Variants in SESN2 observed in about 807,000 individuals in gnomAD.
SESN2 encodes the protein sestrin-2.
Under a neutral mutation model 56.0 loss-of-function variants are expected in SESN2, and 42 were observed. The ratio of observed to expected loss-of-function variants is 0.75; its 90% CI spans 0.59 to 0.97. The LOEUF is 0.97. Among genes scored for constraint, SESN2 ranks in the 50% least tolerant of loss-of-function variants. The pLI is 0.00. For missense variants in SESN2, 507 were observed against 649.4 expected (o/e 0.78, Z 2.38); for synonymous variants, 264 against 267.1 (o/e 0.99, Z 0.11).
At chr1:28,278,578 A>G (rs1648128352) in intron 8 of SESN2, among the ~76,000 whole-genome samples, 1 of 152,248 alleles carries the variant, frequency 6.6e-6, no homozygotes, top group South Asian at 2.1e-4. Flanking sequence ...AAAGAAAAAC[A>G]AAAACATACT....
chr1:28,279,996 C>G (rs946157782), intron 9 of SESN2, among the ~76,000 whole-genome samples: 2 of 151,980 alleles, frequency 1.3e-5, no homozygotes, highest in African/African-American at 4.8e-5. Flanking sequence ...GAGGTACACA[C>G]CACCTGATTT....
Position 28,272,710 on chromosome 1 carries a change from G to A in SESN2, c.667G>A (p.Asp223Asn). ...TGGCATCCTCCCTGAGGGGGATGCA[G>A]ATGGCAGCCCTGCCCCCCAGGCACC... ...GCGILPEGDA[D>N]GSPAPQAPTP... The change falls in exon 5 of 10, where the codon GAT becomes AAT. Residue 223 changes from aspartate (D) to asparagine (N), a missense_variant. Asp to Asn is a conservative substitution (Grantham distance 23, BLOSUM62 1). Coordinates refer to ENST00000253063, the MANE Select transcript of SESN2 (RefSeq NM_031459.5). 6.2e-7 allele frequency: 1 copy of A among 1,612,552 alleles called. No homozygotes were observed. Among genetic ancestry groups the A allele is most frequent in the East Asian group, 2.2e-5 (1 of 44,872 alleles).
chr1:28,259,707 C>A lies in SESN2; in HGVS notation c.-141C>A, dbSNP rs1647301633. The A allele has an allele frequency of 7.1e-6, 4 of 560,464 alleles. No individual in the cohort carries two copies. The highest frequency in any genetic ancestry group is 4.3e-5 in the Admixed American group (1 of 23,478). 34.7% of individuals were successfully genotyped at this position (560,464 alleles called of 1,614,324 possible). ...AAGCGGCCGTTCTCGGATTCCGGAG[C>A]GTTCTGGAGCCCCGAGAGACGCCCC... On this transcript the variant is annotated 5_prime_UTR_variant, in exon 1 of 10. Coordinates refer to ENST00000253063, the MANE Select transcript of SESN2 (RefSeq NM_031459.5).
chr1:28,270,803 A>G (rs1323141820), intron 2 of SESN2, among the ~76,000 whole-genome samples: 6 of 152,132 alleles, frequency 3.9e-5, no homozygotes, highest in Admixed American at 3.9e-4. Context: ...TCCGGACCTT[A>G]GGTGATCTGC....
Position 28,274,116 on chromosome 1 carries a change from C to A in SESN2, c.978C>A (p.Phe326Leu). 6.2e-7 allele frequency: 1 copy of A among 1,614,130 alleles called. No homozygotes were observed. The highest frequency in any genetic ancestry group is 8.5e-7 in the Non-Finnish European group (1 of 1,179,976). ...VEDPTFGYED[F>L]TRRGAQAPPT... ...ACCCTACTTTCGGATATGAGGACTT[C>A]ACTCGGAGAGGGGCTCAGGCACCCC... is the stretch of plus-strand genomic sequence containing the variant. Residue 326 changes from phenylalanine (F) to leucine (L), a missense_variant, in exon 7 of 10, where the codon TTC becomes TTA. Physicochemically the swap from Phe to Leu is conservative, Grantham distance 22. Coordinates refer to ENST00000253063, the MANE Select transcript of SESN2 (RefSeq NM_031459.5).
chr1:28,267,151 T>C (rs976716557), intron 1 of SESN2, among the ~76,000 whole-genome samples: 1 of 152,134 alleles, frequency 6.6e-6, no homozygotes, highest in African/African-American at 2.4e-5. Context: ...TACAGAGCTG[T>C]TGGGCTTTTT....
intron 6 of SESN2, 126 bp downstream of exon 6, chr1:28,273,634 C>T (rs1647881815): frequency 3.1e-6 from 3 of 953,816 alleles, no homozygotes; most frequent in South Asian, 1.9e-5. Context: ...AGGTTCTGAG[C>T]ATGGGCCTTG....
At chr1:28,261,622 G>T (rs1391201733) in intron 1 of SESN2, among the ~76,000 whole-genome samples, 1 of 152,176 alleles carries the variant, frequency 6.6e-6, no homozygotes, top group Non-Finnish European at 1.5e-5. Context: ...TCACAAGGGG[G>T]TGCCTGAGCC....
intron 8 of SESN2, among the ~76,000 whole-genome samples, 191 bp downstream of exon 8, chr1:28,275,206 TGC>T (rs1647988026): frequency 2.0e-5 from 3 of 152,162 alleles, no homozygotes; most frequent in Admixed American, 2.0e-4. Context: ...ACTCTTTAAT[TGC>T]ACTCCCAGAG....
chr1:28,259,978 C>G (rs914165129), intron 1 of SESN2, 41 bp downstream of exon 1: 17 of 1,417,452 alleles, frequency 1.2e-5, no homozygotes, highest in Non-Finnish European at 1.5e-5. Flanking sequence ...CCTGGAACCC[C>G]GAACCGCGTC....
At position 28,272,316 on chromosome 1, in the gene SESN2, A is replaced by G. The variant is rs1647808729; in HGVS notation, c.387A>G (p.Val129=). 6.2e-7 allele frequency: 1 copy of G among 1,613,944 alleles called. No individual in the cohort carries two copies. Among genetic ancestry groups the G allele is most frequent in the Non-Finnish European group, 8.5e-7 (1 of 1,180,018 alleles). The change falls in exon 4 of 10, where the codon GTA becomes GTG. Residue 129 remains valine, a synonymous_variant. Coordinates refer to ENST00000253063, the MANE Select transcript of SESN2 (RefSeq NM_031459.5). The stretch of plus-strand genomic sequence containing the variant: ...CCCGCCATCAGTGTTCTTACCTGGT[A>G]GGCTCCCACATGGCCGAGTTTCTGC... ...AAARHQCSYL[V]GSHMAEFLQT... is the part of the protein sequence containing the mutation.
At chr1:28,276,590 T>G (rs1321274521) in intron 8 of SESN2, among the ~76,000 whole-genome samples, 2 of 143,584 alleles carry the variant, frequency 1.4e-5, no homozygotes, top group Non-Finnish European at 3.1e-5. Flanking sequence ...TTTTTTTTTT[T>G]TTTTTTGAGA....
chr1:28,279,106 C>G lies in SESN2; in HGVS notation c.1221C>G (p.Asp407Glu). 6.2e-7 allele frequency: 1 copy of G among 1,614,158 alleles called. No individual in the cohort carries two copies. The highest frequency in any genetic ancestry group is 8.5e-7 in the Non-Finnish European group (1 of 1,180,020). ...IHCVFGIRYD[D>E]YDYGEVNQLL... is the part of the protein sequence containing the mutation. ...GGACCTTTCCATCCAGATATGATGA[C>G]TATGATTATGGGGAGGTGAACCAGC... is the stretch of plus-strand genomic sequence containing the variant. Residue 407 changes from aspartate to glutamate, a missense_variant, in exon 9 of 10, where the codon GAC becomes GAG. Physicochemically the swap from Asp to Glu is conservative, Grantham distance 45. Coordinates refer to ENST00000253063, the MANE Select transcript of SESN2 (RefSeq NM_031459.5).
At chr1:28,278,453 G>C (rs777852939) in intron 8 of SESN2, among the ~76,000 whole-genome samples, 2 of 152,200 alleles carry the variant, frequency 1.3e-5, no homozygotes, top group Non-Finnish European at 2.9e-5. Context: ...TGTAATCCCA[G>C]CTACTCAGGA....
Position 28,272,684 on chromosome 1 carries a change from G to A in SESN2, c.641G>A (p.Cys214Tyr), listed in dbSNP as rs1557733843. The change falls in exon 5 of 10, where the codon TGT (cysteine) becomes TAT (tyrosine). Residue 214 changes from cysteine (C) to tyrosine (Y), a missense_variant. By Grantham distance (194) the Cys-to-Tyr change is radical. Transcript: ENST00000253063. ...TCGCTCTCCTCCTTCGTGTTTGGCT[G>A]TGGCATCCTCCCTGAGGGGGATGCA... ...CHSLSSFVFG[C>Y]GILPEGDADG... 1 of 1,614,072 alleles carries A rather than the reference G, an allele frequency of 6.2e-7. No individual in the cohort carries two copies. The highest frequency in any genetic ancestry group is 8.5e-7 in the Non-Finnish European group (1 of 1,179,958).
At position 28,259,749 on chromosome 1, in the gene SESN2, C is replaced by T. The variant is rs768313422; in HGVS notation, c.-99C>T. On this transcript the variant is annotated 5_prime_UTR_variant, in exon 1 of 10. Transcript: ENST00000253063. ...AGACGCCCCGGGGTTCTAGAAGCTCCCCGGCGGCGCCCAGTCCCGGCTTCA... is the reference window on the plus strand; with the variant it reads ...AGACGCCCCGGGGTTCTAGAAGCTCTCCGGCGGCGCCCAGTCCCGGCTTCA... The T allele has an allele frequency of 2.0e-5, 19 of 928,762 alleles. No homozygotes were observed. The highest frequency in any genetic ancestry group is 2.7e-5 in the Non-Finnish European group (18 of 672,008). 57.5% of individuals were successfully genotyped at this position (928,762 alleles called of 1,614,324 possible).
At chr1:28,274,240 T>A in intron 7 of SESN2, 82 bp downstream of exon 7, 1 of 932,298 alleles carries the variant, frequency 1.1e-6, no homozygotes, top group African/African-American at 1.6e-5. Context: ...AGTTACAGAG[T>A]TAGGTACCCA....
intron 8 of SESN2, among the ~76,000 whole-genome samples, chr1:28,275,223 T>G (rs962811125): frequency 6.6e-6 from 1 of 152,106 alleles, no homozygotes; most frequent in Non-Finnish European, 1.5e-5. Context: ...CCAGAGATAA[T>G]TATTGTTTGA....
chr1:28,264,489 C>A (rs181792205), intron 1 of SESN2, among the ~76,000 whole-genome samples: 131 of 152,192 alleles, frequency 8.6e-4, no homozygotes, highest in African/African-American at 3.0e-3. Context: ...TATAAAAATA[C>A]CCAACACTGG....
Sources: gnomAD v4.1 joint callset for allele counts (sites outside exome capture counted in the v4.1 genomes callset) on GRCh38, gnomAD v4.1.1 for gene constraint, MANE v1.5 for transcripts, NCBI Gene and HGNC (gene_info 2026-07-23, HGNC 2026-07-21) for gene names.